NSD1: variants seen among roughly 807,000 people sequenced by gnomAD.
The protein encoded by NSD1 is histone-lysine N-methyltransferase, H3 lysine-36 specific.
NSD1 carries 26 observed loss-of-function variants against 242.7 expected under a neutral mutation model. That is an observed-to-expected ratio of 0.11 (90% CI 0.08 to 0.15). NSD1 has a LOEUF of 0.15. Among genes scored for constraint, NSD1 ranks in the 10% least tolerant of loss-of-function variants. The pLI is 1.00. For synonymous variants in NSD1, 1,106 were observed against 1,178.1 expected (o/e 0.94, Z 1.25); for missense variants, 2,495 against 3,272.8 (o/e 0.76, Z 5.80).
chr5:177,183,766 C>T (rs1194965120), intron 2 of NSD1, among the ~76,000 whole-genome samples: 1 of 152,022 alleles, frequency 6.6e-6, no homozygotes, highest in Non-Finnish European at 1.5e-5. Context: ...TTTTCTTTAA[C>T]CGTCCTCACT....
rs1182109186 is a variant in NSD1, at chr5:177,180,778, G to C, written c.928-11106G>C. ...GCTCACTGCATCCTCCGCCTCCCGG[G>C]TTCAAGCGATTCTCCTGCCTCAGCC... On this transcript the variant is annotated intron_variant, in intron 2 of 22. Coordinates refer to ENST00000439151, the MANE Select transcript of NSD1 (RefSeq NM_022455.5). Among the ~76,000 whole-genome samples, 3 of 151,080 alleles carry C rather than the reference G, an allele frequency of 2.0e-5. No individual in the cohort carries two copies. The East Asian group carries it at 6.0e-4, about 30-fold the overall frequency.
chr5:177,171,163 AC>A (rs1456826783), intron 2 of NSD1, among the ~76,000 whole-genome samples: 2 of 151,998 alleles, frequency 1.3e-5, no homozygotes, highest in Non-Finnish European at 2.9e-5. Context: ...TAATAAAAAT[AC>A]AAAAATTAGT....
chr5:177,208,522 T>TGG (rs1009408522), intron 4 of NSD1, among the ~76,000 whole-genome samples: 1 of 151,678 alleles, frequency 6.6e-6, no homozygotes, highest in Non-Finnish European at 1.5e-5. Flanking sequence ...TTCTTTTTCT[T>TGG]TTTTTCTTTT....
chr5:177,291,382 C>T (rs893251826), intron 21 of NSD1, among the ~76,000 whole-genome samples: 3 of 152,166 alleles, frequency 2.0e-5, no homozygotes, highest in Non-Finnish European at 4.4e-5. Flanking sequence ...TGGCCAGGTG[C>T]GGTGGCTCAC....
chr5:177,259,902 C>A, intron 13 of NSD1, 87 bp from the exon 14 acceptor site: 1 of 1,445,948 alleles, frequency 6.9e-7, no homozygotes. Context: ...TTTTTCAGTG[C>A]TAACAAATAG....
Position 177,211,808 on chromosome 5 carries a change from C to T in NSD1, c.3409C>T (p.Leu1137=), listed in dbSNP as rs754566654. 1.2e-6 allele frequency: 2 copies of T among 1,614,180 alleles called. No individual in the cohort carries two copies. The highest frequency in any genetic ancestry group is 3.3e-5 in the Admixed American group (2 of 60,004). Residue 1137 remains leucine (L), a synonymous_variant, in exon 5 of 23, where the codon CTG becomes TTG. Transcript: ENST00000439151. ...TTTTGAAAACGGAAAAGGCCCAGAGCTGGACTCTGTAATGAACAGTGAGAA... is the reference window on the plus strand; with the variant it reads ...TTTTGAAAACGGAAAAGGCCCAGAGTTGGACTCTGTAATGAACAGTGAGAA... The part of the protein sequence containing the change: ...LSFENGKGPE[L]DSVMNSENDE...
At chr5:177,159,832 G>A (rs185997087) in intron 2 of NSD1, among the ~76,000 whole-genome samples, 2 of 151,878 alleles carry the variant, frequency 1.3e-5, no homozygotes, top group Admixed American at 6.6e-5. Context: ...CAGGTGATCC[G>A]CCTGCCTCGG....
chr5:177,217,375 A>G (rs951864457), intron 5 of NSD1, among the ~76,000 whole-genome samples: 4 of 152,108 alleles, frequency 2.6e-5, no homozygotes, highest in African/African-American at 9.7e-5. Context: ...TCTTTGTTCT[A>G]ATAGCGTGTG....
intron 2 of NSD1, among the ~76,000 whole-genome samples, chr5:177,151,430 C>CCAGGCTGGAGTGCAATGGCA (rs978787258): frequency 1.1e-4 from 16 of 152,068 alleles, no homozygotes; most frequent in Admixed American, 9.8e-4. Context: ...CTCTTGTTGC[C>CCAGGCTGGAGTGCAATGGCA]CAGGCTGGAG....
intron 2 of NSD1, among the ~76,000 whole-genome samples, chr5:177,159,143 A>G (rs1177490965): frequency 6.7e-6 from 1 of 149,802 alleles, no homozygotes; most frequent in Non-Finnish European, 1.5e-5. Context: ...CCGGGGTTCA[A>G]GTGATTCTTG....
chr5:177,251,609 C>G (rs909805101), intron 11 of NSD1, 121 bp from the exon 12 acceptor site: 22 of 958,260 alleles, frequency 2.3e-5, no homozygotes, highest in African/African-American at 1.1e-4. Context: ...CGGGCCCTTG[C>G]CTCTTTCTCA....
intron 12 of NSD1, among the ~76,000 whole-genome samples, chr5:177,253,439 G>A (rs1009407383): frequency 1.3e-5 from 2 of 152,136 alleles, no homozygotes; most frequent in East Asian, 3.9e-4. Flanking sequence ...TCAGGTTGTT[G>A]TGTGTATTGA....
Position 177,135,558 on chromosome 5 carries a change from A to C in NSD1, c.455A>C (p.His152Pro). 6.2e-7 allele frequency: 1 copy of C among 1,614,232 alleles called. No homozygotes were observed. Among genetic ancestry groups the C allele is most frequent in the Non-Finnish European group, 8.5e-7 (1 of 1,180,052 alleles). The change falls in exon 2 of 23, where the codon CAC becomes CCC. Residue 152 changes from histidine (H) to proline (P), a missense_variant. His to Pro is a moderately conservative substitution (Grantham distance 77). Around this residue, in one of 19 missense-constraint regions of NSD1, gnomAD observed 376 missense variants for 367.4 expected, o/e 1.02. Coordinates refer to ENST00000439151, the MANE Select transcript of NSD1 (RefSeq NM_022455.5). The part of the protein sequence containing the change: ...VTKTIKNGFL[H>P]FENFTCVDDA... ...AAGACTATCAAGAATGGCTTTCTGCACTTTGAGAATTTTACTTGTGTGGAC... is the reference window on the plus strand; with the variant it reads ...AAGACTATCAAGAATGGCTTTCTGCCCTTTGAGAATTTTACTTGTGTGGAC...
At chr5:177,246,284 C>T (rs867788555) in intron 9 of NSD1, among the ~76,000 whole-genome samples, 1 of 152,102 alleles carries the variant, frequency 6.6e-6, no homozygotes, top group Non-Finnish European at 1.5e-5. Context: ...ATCTTTAAAT[C>T]ATATAGTGAT....
At chr5:177,246,040 G>A (rs900072917) in intron 9 of NSD1, among the ~76,000 whole-genome samples, 13 of 151,094 alleles carry the variant, frequency 8.6e-5, no homozygotes, top group Admixed American at 4.0e-4. Context: ...GCATGATCTC[G>A]GCTCACTGCA....
Position 177,209,888 on chromosome 5 carries a change from T to C in NSD1, c.1489T>C (p.Ser497Pro). ...ADEKEKPCAK[S>P]RARKSSDNPK... The stretch of plus-strand genomic sequence containing the variant: ...TGAGAAGGAAAAGCCTTGCGCTAAA[T>C]CTCGAGCCAGAAAGAGCTCTGATAA... Residue 497 changes from serine to proline, a missense_variant, in exon 5 of 23, where the codon TCT (serine) becomes CCT (proline). Coordinates refer to ENST00000439151, the MANE Select transcript of NSD1 (RefSeq NM_022455.5). The C allele has an allele frequency of 1.2e-6, 2 of 1,614,046 alleles. No individual in the cohort carries two copies. Among genetic ancestry groups the C allele is most frequent in the Non-Finnish European group, 1.7e-6 (2 of 1,180,010 alleles).
rs1052482693 is a variant in NSD1, at chr5:177,189,239, C to T, written c.928-2645C>T. Reference sequence around the variant, plus strand: ...AATTTTGTGGCTTAGGAAACTGAGACCAAATTAACAGACTTTTTGAAGGTG... The same window carrying T: ...AATTTTGTGGCTTAGGAAACTGAGATCAAATTAACAGACTTTTTGAAGGTG... On this transcript the variant is annotated intron_variant, in intron 2 of 22. Coordinates refer to ENST00000439151, the MANE Select transcript of NSD1 (RefSeq NM_022455.5). Among the ~76,000 whole-genome samples the T allele has an allele frequency of 2.0e-4, 31 of 152,060 alleles. 1 individual carries two copies.
intron 8 of NSD1, among the ~76,000 whole-genome samples, chr5:177,241,666 G>A (rs994946156): frequency 2.0e-5 from 3 of 152,174 alleles, no homozygotes; most frequent in Non-Finnish European, 4.4e-5. Flanking sequence ...ATCAGAGCAA[G>A]AGAAAATCAG....
chr5:177,244,325 T>G (rs1766111671), intron 9 of NSD1, 55 bp downstream of exon 9: 2 of 1,287,950 alleles, frequency 1.6e-6, no homozygotes, highest in African/African-American at 1.5e-5. Flanking sequence ...TGAAGTGCTT[T>G]GTCTGTTAAC....
Sources: allele counts gnomAD v4.1 joint callset (sites outside exome capture counted in the v4.1 genomes callset), GRCh38; gene constraint gnomAD v4.1.1; regional missense constraint gnomAD v4.1.1; transcripts MANE v1.5; gene names NCBI Gene and HGNC (gene_info 2026-07-23, HGNC 2026-07-21).